The following KIFC2 variants were observed in gnomAD, a reference collection of about 807,000 sequenced individuals.
KIFC2 encodes the protein kinesin-like protein KIFC2.
Under a neutral mutation model 91.5 loss-of-function variants are expected in KIFC2, and 94 were observed. The ratio of observed to expected loss-of-function variants is 1.03; its 90% CI spans 0.87 to 1.22. The LOEUF is 1.22. KIFC2 is among the 50% of genes most tolerant of loss of function. The pLI is 0.00. For missense variants in KIFC2, 1,357 were observed against 1,103.3 expected (o/e 1.23, Z -3.26); for synonymous variants, 729 against 503.9 (o/e 1.45, Z -5.98).
At chr8:144,468,240 G>A (rs753275704) in intron 7 of KIFC2, 89 bp from the exon 8 acceptor site, 7 of 1,244,926 alleles carry the variant, frequency 5.6e-6, no homozygotes, top group Admixed American at 2.0e-5. Flanking sequence ...AGCCAGCTCT[G>A]CCCACCTCTT....
In KIFC2 at chr8:144,473,194, G is replaced by T; in HGVS notation, c.2181G>T (p.Val727=). 6.3e-7 allele frequency: 1 copy of T among 1,584,028 alleles called. No homozygotes were observed. The highest frequency in any genetic ancestry group is 8.6e-7 in the Non-Finnish European group (1 of 1,165,946). ...GCTCCCTCAAGTTCGCCGACCGAGT[G>T]GGTCAAGTGGAGCTGGGGCCAGCCC... ...TVCSLKFADR[V]GQVELGPARR... Residue 727 remains valine, a synonymous_variant, in exon 18 of 18, where the codon GTG becomes GTT. Coordinates refer to ENST00000645548, the MANE Select transcript of KIFC2 (RefSeq NM_001369769.2).
Position 144,473,949 on chromosome 8 carries a change from A to T in KIFC2, c.*560A>T. 1 of 477,422 alleles carries T rather than the reference A, an allele frequency of 2.1e-6. No individual in the cohort carries two copies. Among genetic ancestry groups the T allele is most frequent in the Non-Finnish European group, 3.7e-6 (1 of 268,992 alleles). 29.6% of individuals were successfully genotyped at this position (477,422 alleles called of 1,614,324 possible). A position where few individuals can be genotyped will look rare whatever the true frequency, so the allele number is the denominator to read the frequency against. The stretch of plus-strand genomic sequence containing the variant: ...GACGGCTGGTGACTGATGGATGGGT[A>T]GTGGGCTGAGAAGAGGGGACTAGGA... On this transcript the variant is annotated 3_prime_UTR_variant, in exon 18 of 18. Coordinates refer to ENST00000645548, the MANE Select transcript of KIFC2 (RefSeq NM_001369769.2).
rs1271097910 is a variant in KIFC2 at position 144,473,345 on chromosome 8, G to A, written c.2332G>A (p.Gly778Ser). The A allele has an allele frequency of 3.2e-6, 5 of 1,585,672 alleles. No individual in the cohort carries two copies. The African/African-American group carries it at 5.4e-5, about 17-fold the overall frequency. ...GSPPCPSPDN[G>S]SGSALAPAEG... ...TCCTCCATGCCCCAGTCCCGACAACGGCTCGGGCTCGGCTCTCGCGCCCGC... is the reference window on the plus strand; with the variant it reads ...TCCTCCATGCCCCAGTCCCGACAACAGCTCGGGCTCGGCTCTCGCGCCCGC... Residue 778 changes from glycine to serine, a missense_variant, in exon 18 of 18, where the codon GGC (glycine) becomes AGC (serine). Transcript: ENST00000645548.
chr8:144,467,008 G>T lies in KIFC2; in HGVS notation c.228G>T (p.Ala76=), dbSNP rs1447337586. 1 of 1,595,872 alleles carries T rather than the reference G, an allele frequency of 6.3e-7. No homozygotes were observed. The highest frequency in any genetic ancestry group is 2.3e-5 in the East Asian group (1 of 44,430). The change falls in exon 3 of 18, where the codon GCG becomes GCT. Residue 76 remains alanine, a synonymous_variant. Transcript: ENST00000645548. ...CGGAAGGCGCAGCCGAGGGCCGCGC[G>T]GCCGCGGTGTCCCTGGAAGAGGCCC... ...DGSEGAAEGR[A]AAVSLEEALL...
At position 144,471,980 on chromosome 8, in the gene KIFC2, C is replaced by T; in HGVS notation, c.1419C>T (p.Leu473=). 4 of 1,613,494 alleles carry T rather than the reference C, an allele frequency of 2.5e-6. No individual in the cohort carries two copies. Among genetic ancestry groups the T allele is most frequent in the African/African-American group, 1.3e-5 (1 of 75,072 alleles). The stretch of plus-strand genomic sequence containing the variant: ...TGGAACCTGCGGTGCTGTCCTGCCT[C>T]CGAGGCTACAGCGTCTGCATCTTCA... The part of the protein sequence containing the change: ...RELEPAVLSC[L]RGYSVCIFTY... Residue 473 remains leucine (L), a synonymous_variant, in exon 13 of 18, where the codon CTC becomes CTT. Coordinates refer to ENST00000645548, the MANE Select transcript of KIFC2 (RefSeq NM_001369769.2).
chr8:144,472,768 C>G, intron 16 of KIFC2, 27 bp from the exon 17 acceptor site: 2 of 1,591,372 alleles, frequency 1.3e-6, no homozygotes, highest in South Asian at 2.2e-5. Context: ...CGGCCTTCCC[C>G]CATGTCGGGC....
intron 12 of KIFC2, among the ~76,000 whole-genome samples, chr8:144,471,715 T>C (rs1290364678): frequency 6.6e-6 from 1 of 152,204 alleles, no homozygotes; most frequent in African/African-American, 2.4e-5. Flanking sequence ...CCTCTTCTCA[T>C]TGTGTCTTTT....
intron 7 of KIFC2, 150 bp downstream of exon 7, chr8:144,468,137 C>T (rs1006936941): frequency 7.9e-6 from 9 of 1,144,938 alleles, no homozygotes; most frequent in African/African-American, 3.1e-5. Flanking sequence ...TGGGAAGACC[C>T]CCCTCTCCGT....
chr8:144,469,442 G>A, intron 11 of KIFC2, 48 bp from the exon 12 acceptor site: 1 of 1,613,366 alleles, frequency 6.2e-7, no homozygotes, highest in Non-Finnish European at 8.5e-7. Context: ...CAGCTTCTCT[G>A]TGCTTTAGGG....
intron 12 of KIFC2, among the ~76,000 whole-genome samples, chr8:144,470,416 C>A (rs942121330): frequency 6.6e-6 from 1 of 152,256 alleles, no homozygotes; most frequent in Non-Finnish European, 1.5e-5. Flanking sequence ...TGTGTCTGAA[C>A]CAAAGGCATC....
At position 144,469,292 on chromosome 8, in the gene KIFC2, C is replaced by A; in HGVS notation, c.1135C>A (p.Leu379Met). Residue 379 changes from leucine to methionine, a missense_variant, in exon 11 of 18, where the codon CTG becomes ATG. Transcript: ENST00000645548. ...RGQVSWALGA[L>M]SSGGPGTQLP... ...TCAGGTGTCCTGGGCCTTGGGGGCA[C>A]TGTCATCTGGAGGGCCTGGCACTCA... 6.2e-7 allele frequency: 1 copy of A among 1,601,782 alleles called. No individual in the cohort carries two copies. Among genetic ancestry groups the A allele is most frequent in the Non-Finnish European group, 8.5e-7 (1 of 1,176,074 alleles).
Position 144,472,140 on chromosome 8 carries a change from C to T in KIFC2, c.1488C>T (p.Gly496=). 6.2e-7 allele frequency: 1 copy of T among 1,613,238 alleles called. No homozygotes were observed. The highest frequency in any genetic ancestry group is 1.1e-5 in the South Asian group (1 of 91,086). Residue 496 remains glycine, a splice_region_variant and synonymous_variant, in exon 14 of 18, where the codon GGC becomes GGT. Coordinates refer to ENST00000645548, the MANE Select transcript of KIFC2 (RefSeq NM_001369769.2). ...TGTGKTYSME[G]PPEDPGIVPR... ...TGTGCACCCCACCCCATCCTCAGGGCCCTCCTGAGGACCCCGGCATAGTTC... is the reference window on the plus strand; with the variant it reads ...TGTGCACCCCACCCCATCCTCAGGGTCCTCCTGAGGACCCCGGCATAGTTC...
rs774832657 is a variant in KIFC2 at position 144,466,923 on chromosome 8, C to T, written c.179-36C>T. ...GCGGAGGCCTGGCTCAAGCACGTGA[C>T]CCGAAATGTCTCCCGCCCTCCTCCC... is the stretch of plus-strand genomic sequence containing the variant. On this transcript the variant is annotated intron_variant, in intron 2 of 17. Coordinates refer to ENST00000645548, the MANE Select transcript of KIFC2 (RefSeq NM_001369769.2). The T allele has an allele frequency of 9.5e-6, 15 of 1,575,212 alleles. No homozygotes were observed. The Admixed American group carries it at 2.4e-4, about 26-fold the overall frequency.
chr8:144,472,685 C>T lies in KIFC2; in HGVS notation c.1840C>T (p.Pro614Ser), dbSNP rs745737206. Residue 614 changes from proline (P) to serine (S), a missense_variant, in exon 16 of 18, where the codon CCG becomes TCG. By Grantham distance (74) the Pro-to-Ser change is moderately conservative (BLOSUM62 -1). Transcript: ENST00000645548. ...GCTGACGCTGCGCGCGGCGTCTCCA[C>T]CGCGCGCTCCAGGCACCGCAGGTAC... The part of the protein sequence containing the change: ...VTLTLRAASP[P>S]RAPGTAGTLH... The T allele has an allele frequency of 1.3e-6, 2 of 1,595,510 alleles. No homozygotes were observed. Among genetic ancestry groups the T allele is most frequent in the South Asian group, 1.1e-5 (1 of 90,890 alleles).
Position 144,474,142 on chromosome 8 carries a change from G to A in KIFC2, c.*753G>A. ...GCAAGGCTGCTGCCTGGTGTTTCGA[G>A]GCTGCTGTGGTCGCAGACAGCCGCC... On this transcript the variant is annotated 3_prime_UTR_variant, in exon 18 of 18. Transcript: ENST00000645548. 1.1e-6 allele frequency: 1 copy of A among 951,134 alleles called. No homozygotes were observed. The highest frequency in any genetic ancestry group is 1.5e-6 in the Non-Finnish European group (1 of 647,822). The allele number at this position is 951,134 out of a possible 1,614,324, so 58.9% of individuals were successfully genotyped here.
At chr8:144,471,258 C>G (rs1824912138) in intron 12 of KIFC2, among the ~76,000 whole-genome samples, 1 of 152,120 alleles carries the variant, frequency 6.6e-6, no homozygotes, top group African/African-American at 2.4e-5. Context: ...CCACCTCGCC[C>G]AGCCCATCTG....
At chr8:144,468,165 G>A in intron 7 of KIFC2, 164 bp from the exon 8 acceptor site, 3 of 1,036,176 alleles carry the variant, frequency 2.9e-6, no homozygotes, top group Admixed American at 2.7e-5. Flanking sequence ...CTGAGTGGCT[G>A]ACCCCAGGAG....
intron 4 of KIFC2, 49 bp from the exon 5 acceptor site, chr8:144,467,436 A>T (rs1189024695): frequency 6.5e-7 from 1 of 1,540,358 alleles, no homozygotes; most frequent in Non-Finnish European, 8.7e-7. Context: ...GTTCCGGAAG[A>T]TTTGGACTAG....
chr8:144,469,703 A>G, intron 12 of KIFC2, 56 bp downstream of exon 12: 2 of 1,517,346 alleles, frequency 1.3e-6, no homozygotes, highest in South Asian at 1.3e-5. Context: ...CCTGAAGAGC[A>G]GGAGAGGCTC....
Sources: allele counts gnomAD v4.1 joint callset (sites outside exome capture counted in the v4.1 genomes callset), GRCh38; gene constraint gnomAD v4.1.1; transcripts MANE v1.5; gene names NCBI Gene and HGNC (gene_info 2026-07-23, HGNC 2026-07-21).